The following PIWIL2 variants were observed in gnomAD, a reference collection of about 807,000 sequenced individuals.
PIWIL2 encodes the protein piwi-like protein 2.
A neutral mutation model predicts 116.5 loss-of-function variants in PIWIL2; 81 were observed. That is an observed-to-expected ratio of 0.70 (90% CI 0.58 to 0.84). PIWIL2 has a LOEUF of 0.84. Among genes scored for constraint, PIWIL2 ranks in the 40% least tolerant of loss-of-function variants. The pLI is 0.00. For missense variants in PIWIL2, 1,272 were observed against 1,212.3 expected, an observed-to-expected ratio of 1.05 and a Z score of -0.73; for synonymous variants, 489 against 429.5, an observed-to-expected ratio of 1.14 and a Z score of -1.71.
intron 20 of PIWIL2, among the ~76,000 whole-genome samples, chr8:22,333,833 A>G (rs1831917745): frequency 6.6e-6 from 1 of 152,044 alleles, no homozygotes; most frequent in Non-Finnish European, 1.5e-5. Context: ...TAGGAATATA[A>G]TAAAAAACCT....
chr8:22,349,505 A>C (rs946807101), intron 20 of PIWIL2, among the ~76,000 whole-genome samples: 1 of 149,074 alleles, frequency 6.7e-6, no homozygotes, highest in Non-Finnish European at 1.5e-5. Context: ...ATTTTTCTTC[A>C]CTTTTCAACT....
intron 20 of PIWIL2, among the ~76,000 whole-genome samples, chr8:22,338,160 A>G (rs911408180): frequency 1.3e-4 from 20 of 152,282 alleles, no homozygotes; most frequent in Non-Finnish European, 2.1e-4. Context: ...TTGGAAGACA[A>G]TATTGTTAAG....
In PIWIL2 at chr8:22,321,927, C is replaced by G. The variant is rs188916898; in HGVS notation, c.2403+3652C>G. On this transcript the variant is annotated intron_variant, in intron 20 of 22. Transcript: ENST00000356766. ...TTTTCAGCCCCATTTTGCATCACGGCTCGCTAGTCCAAAGCCCATTTTCTC... is the reference window on the plus strand; with the variant it reads ...TTTTCAGCCCCATTTTGCATCACGGGTCGCTAGTCCAAAGCCCATTTTCTC... 166 of 985,250 alleles carry G rather than the reference C, an allele frequency of 1.7e-4. 1 individual carries two copies. In the Admixed American group the frequency reaches 9.9e-3, roughly 59 times the overall value. The allele number at this position is 985,250 out of a possible 1,614,324, so 61.0% of individuals were successfully genotyped here.
Position 22,314,285 on chromosome 8 carries a change from G to C in PIWIL2, c.1990-43G>C, listed in dbSNP as rs1191018549. ...AACTAGAGTCCTGTAAAAGTCCCCAGAGAATTCCACAGCCTGACTTGTATA... is the reference window on the plus strand; with the variant it reads ...AACTAGAGTCCTGTAAAAGTCCCCACAGAATTCCACAGCCTGACTTGTATA... On this transcript the variant is annotated intron_variant, in intron 16 of 22. Coordinates refer to ENST00000356766, the MANE Select transcript of PIWIL2 (RefSeq NM_018068.5). The C allele has an allele frequency of 2.7e-6, 3 of 1,111,790 alleles. No homozygotes were observed. The South Asian group carries it at 6.3e-5, about 23-fold the overall frequency. 68.9% of individuals were successfully genotyped at this position (1,111,790 alleles called of 1,614,324 possible).
At chr8:22,326,518 A>G (rs969634000) in intron 20 of PIWIL2, among the ~76,000 whole-genome samples, 2 of 152,022 alleles carry the variant, frequency 1.3e-5, no homozygotes, top group Non-Finnish European at 2.9e-5. Flanking sequence ...ACCTTCTCCT[A>G]ATTTCTGGTA....
At chr8:22,345,977 G>A (rs1482841775) in intron 20 of PIWIL2, among the ~76,000 whole-genome samples, 1 of 152,124 alleles carries the variant, frequency 6.6e-6, no homozygotes, top group Non-Finnish European at 1.5e-5. Flanking sequence ...AAAATCTTTT[G>A]GGGTGATCAA....
rs781767084 is a variant in PIWIL2, at chr8:22,354,298, T to TGTAC, written c.2687_2690dup (p.Gln898ThrfsTer22). The TGTAC allele has an allele frequency of 6.1e-5, 98 of 1,613,016 alleles. No individual in the cohort carries two copies. The highest frequency in any genetic ancestry group is 2.5e-6 in the Non-Finnish European group (3 of 1,179,110). On this transcript the variant is annotated frameshift_variant, in exon 22 of 23. Transcript: ENST00000356766. LOFTEE classifies it high-confidence loss of function. ...TGGATTTCTATCTTCTTGCCCATCA[T>TGTAC]GTACGGCAGGGCTGTGGCATTCCTA... is the stretch of plus-strand genomic sequence containing the variant.
chr8:22,311,877 A>G (rs910325205), intron 16 of PIWIL2, among the ~76,000 whole-genome samples: 4 of 152,242 alleles, frequency 2.6e-5, no homozygotes, highest in Non-Finnish European at 4.4e-5. Flanking sequence ...TAGCCCTTGA[A>G]TTGAACATTC....
chr8:22,327,555 C>T (rs182625039), intron 20 of PIWIL2, among the ~76,000 whole-genome samples: 6 of 147,082 alleles, frequency 4.1e-5, no homozygotes, highest in African/African-American at 7.5e-5. Flanking sequence ...TTAGTAGAGA[C>T]GGGGTTTCTC....
chr8:22,296,020 CTTTTTT>C (rs67357452), intron 10 of PIWIL2, among the ~76,000 whole-genome samples: 16 of 102,794 alleles, frequency 1.6e-4, no homozygotes, highest in African/African-American at 4.8e-4. Flanking sequence ...CTCTTCCCTT[CTTTTTT>C]TTTTTTTTTT....
At chr8:22,298,052 T>C (rs1179603694) in intron 10 of PIWIL2, among the ~76,000 whole-genome samples, 2 of 151,612 alleles carry the variant, frequency 1.3e-5, no homozygotes, top group Non-Finnish European at 2.9e-5. Context: ...AGCCCAAGAG[T>C]TCGAAACCAG....
chr8:22,286,004 C>A (rs919647100), intron 6 of PIWIL2, among the ~76,000 whole-genome samples: 1 of 152,090 alleles, frequency 6.6e-6, no homozygotes, highest in Non-Finnish European at 1.5e-5. Context: ...TTGTGAAGGG[C>A]AGCTGCTAGT....
chr8:22,294,336 TAAAAAA>T (rs71544871), intron 10 of PIWIL2, among the ~76,000 whole-genome samples: 4 of 80,684 alleles, frequency 5.0e-5, no homozygotes, highest in South Asian at 1.2e-3. Context: ...AGACTGTCTT[TAAAAAA>T]AAAAAAAAAA....
At chr8:22,353,998 TCTC>T (rs1832435375) in intron 21 of PIWIL2, among the ~76,000 whole-genome samples, 1 of 151,940 alleles carries the variant, frequency 6.6e-6, no homozygotes, top group Non-Finnish European at 1.5e-5. Flanking sequence ...CTGGTCTCGA[TCTC>T]CTGGGCTCAA....
At chr8:22,346,930 C>G (rs1408746850) in intron 20 of PIWIL2, among the ~76,000 whole-genome samples, 1 of 151,876 alleles carries the variant, frequency 6.6e-6, no homozygotes, top group Non-Finnish European at 1.5e-5. Context: ...AATCCCAACA[C>G]TGGGAGGACG....
rs5890028 is a variant in PIWIL2, at chr8:22,288,298, C to CAAAA, written c.862-227_862-224dup. Among the ~76,000 whole-genome samples the CAAAA allele has an allele frequency of 8.1e-4, 83 of 102,170 alleles. No individual in the cohort carries two copies. In the South Asian group the frequency reaches 0.015, roughly 18 times the overall value. The allele number at this position is 102,170 out of a possible 152,430, so 67.0% of individuals were successfully genotyped here. On this transcript the variant is annotated intron_variant, in intron 7 of 22. Transcript: ENST00000356766. ...GGGTGACAGAGCGAGACTCTGTCTC[C>CAAAA]AAAAAAAAAAAAAAAAAAAATTGCA...
At chr8:22,307,725 G>A (rs1831220758) in intron 13 of PIWIL2, among the ~76,000 whole-genome samples, 2 of 151,918 alleles carry the variant, frequency 1.3e-5, no homozygotes, top group South Asian at 2.1e-4. Context: ...GGGCTCAAGC[G>A]ATCCACCCAC....
At chr8:22,310,507 A>G (rs998942695) in intron 15 of PIWIL2, among the ~76,000 whole-genome samples, 1 of 152,244 alleles carries the variant, frequency 6.6e-6, no homozygotes, top group Non-Finnish European at 1.5e-5. Flanking sequence ...GTTTTTGACC[A>G]ACATGGACTT....
intron 10 of PIWIL2, among the ~76,000 whole-genome samples, chr8:22,302,321 A>G (rs917208137): frequency 6.6e-5 from 10 of 152,028 alleles, no homozygotes; most frequent in Non-Finnish European, 1.3e-4. Context: ...AGCTGGGACT[A>G]CAGGCGCGCA....
Sources: allele counts gnomAD v4.1 joint callset (sites outside exome capture counted in the v4.1 genomes callset), GRCh38; gene constraint gnomAD v4.1.1; transcripts MANE v1.5; gene names NCBI Gene and HGNC (gene_info 2026-07-23, HGNC 2026-07-21).